SEMA5A: variants seen among roughly 807,000 people sequenced by gnomAD.
SEMA5A encodes the protein semaphorin 5A, also known as semaphorin-5A.
Under a neutral mutation model 135.5 loss-of-function variants are expected in SEMA5A, and 55 were observed. That is an observed-to-expected ratio of 0.41 (90% CI 0.33 to 0.51). The LOEUF (loss-of-function observed/expected upper bound fraction) is 0.51. SEMA5A is among the 20% of genes least tolerant of loss of function. SEMA5A has a pLI of 0.37. For missense variants in SEMA5A, 1,290 were observed against 1,419.9 expected (o/e 0.91, Z 1.47); for synonymous variants, 580 against 546.5 (o/e 1.06, Z -0.85).
At chr5:9,048,401 A>G (rs1230646155) in intron 21 of SEMA5A, among the ~76,000 whole-genome samples, 1 of 152,184 alleles carries the variant, frequency 6.6e-6, no homozygotes, top group African/African-American at 2.4e-5. Context: ...ATAATTCCCA[A>G]GTGCAAAATC....
chr5:9,522,470 C>T (rs1008425468), intron 1 of SEMA5A, among the ~76,000 whole-genome samples: 1 of 152,128 alleles, frequency 6.6e-6, no homozygotes, highest in African/African-American at 2.4e-5. Context: ...CTAATCTCAG[C>T]TACTCAGGAG....
intron 10 of SEMA5A, 116 bp from the exon 11 acceptor site, chr5:9,190,587 G>A: frequency 5.9e-6 from 5 of 845,850 alleles, no homozygotes; most frequent in Non-Finnish European, 9.5e-6. Flanking sequence ...ATCCATCATT[G>A]AAGTATGCAA....
chr5:9,068,916 G>A (rs1737623353), intron 16 of SEMA5A, among the ~76,000 whole-genome samples: 1 of 152,188 alleles, frequency 6.6e-6, no homozygotes, highest in Non-Finnish European at 1.5e-5. Context: ...TGCACATGGG[G>A]TAGAAGTGCA....
intron 11 of SEMA5A, among the ~76,000 whole-genome samples, chr5:9,174,986 C>A (rs747053491): frequency 9.2e-5 from 14 of 152,198 alleles, no homozygotes; most frequent in African/African-American, 2.2e-4. Context: ...CACATCACAG[C>A]AGAATCAAAT....
At chr5:9,144,178 A>G (rs1742207699) in intron 12 of SEMA5A, among the ~76,000 whole-genome samples, 1 of 151,994 alleles carries the variant, frequency 6.6e-6, no homozygotes, top group Non-Finnish European at 1.5e-5. Context: ...TCCAAAGTTC[A>G]CCCTCCCCCA....
At chr5:9,150,271 C>A (rs1742561795) in intron 12 of SEMA5A, among the ~76,000 whole-genome samples, 1 of 152,168 alleles carries the variant, frequency 6.6e-6, no homozygotes, top group African/African-American at 2.4e-5. Context: ...TCCCAGATCC[C>A]CAAATTCCTC....
At chr5:9,120,228 C>T (rs909146368) in intron 14 of SEMA5A, among the ~76,000 whole-genome samples, 2 of 152,080 alleles carry the variant, frequency 1.3e-5, no homozygotes, top group African/African-American at 4.8e-5. Flanking sequence ...ATAAGATTTA[C>T]ATTTCCTATG....
At chr5:9,193,449 G>T (rs1192123767) in intron 10 of SEMA5A, among the ~76,000 whole-genome samples, 1 of 152,098 alleles carries the variant, frequency 6.6e-6, no homozygotes, top group Non-Finnish European at 1.5e-5. Flanking sequence ...ATAAATATTT[G>T]CACTTTTGTT....
Position 9,152,929 on chromosome 5 carries a change from G to A in SEMA5A, c.1481+1559C>T, listed in dbSNP as rs563467350. 7.2e-5 allele frequency among the ~76,000 whole-genome samples: 11 copies of A among 152,174 alleles called. No homozygotes were observed. The South Asian group carries it at 2.3e-3, about 32-fold the overall frequency. On this transcript the variant is annotated intron_variant, in intron 12 of 22. Transcript: ENST00000382496. ...TCTACTAAAAATACAAAAATTAGCT[G>A]GGCATGCTGGCACATGTAATTTCAG...
intron 4 of SEMA5A, among the ~76,000 whole-genome samples, chr5:9,322,974 A>G (rs1752695217): frequency 6.6e-6 from 1 of 152,198 alleles, no homozygotes; most frequent in Non-Finnish European, 1.5e-5. Context: ...TTTTGATCCT[A>G]GGCCATCAAT....
At chr5:9,502,840 AGAAG>A (rs1255734401) in intron 1 of SEMA5A, among the ~76,000 whole-genome samples, 3 of 152,200 alleles carry the variant, frequency 2.0e-5, no homozygotes, top group African/African-American at 7.2e-5. Context: ...AGAGTGACGG[AGAAG>A]GAAGAAGGAA....
At chr5:9,517,473 T>C (rs1294787893) in intron 1 of SEMA5A, 1 of 152,184 alleles carries the variant, frequency 6.6e-6, no homozygotes. Flanking sequence ...AGCTTCTGCA[T>C]CTCCACAGAA....
rs375542501 is a variant in SEMA5A at position 9,289,915 on chromosome 5, T to C, written c.270+28457A>G. Among the ~76,000 whole-genome samples the C allele has an allele frequency of 1.4e-4, 22 of 152,310 alleles. No individual in the cohort carries two copies. The East Asian group carries it at 1.7e-3, about 12-fold the overall frequency. On this transcript the variant is annotated intron_variant, in intron 5 of 22. Coordinates refer to ENST00000382496, the MANE Select transcript of SEMA5A (RefSeq NM_003966.3). ...GGGTTAAAAGTACACATAAGACATTTCAAAAGTGAATTTTCTAAATTTATA... is the reference window on the plus strand; with the variant it reads ...GGGTTAAAAGTACACATAAGACATTCCAAAAGTGAATTTTCTAAATTTATA...
intron 12 of SEMA5A, among the ~76,000 whole-genome samples, chr5:9,149,277 C>A (rs181263089): frequency 3.9e-5 from 6 of 152,216 alleles, no homozygotes; most frequent in Admixed American, 2.0e-4. Flanking sequence ...AAGTGTTTCT[C>A]TCTGGCCCTT....
At chr5:9,342,318 G>A (rs904435920) in intron 3 of SEMA5A, among the ~76,000 whole-genome samples, 14 of 152,120 alleles carry the variant, frequency 9.2e-5, no homozygotes, top group African/African-American at 3.4e-4. Context: ...CACCTGCAGC[G>A]CCAACTGTCC....
chr5:9,329,342 G>A (rs1219483893), intron 4 of SEMA5A, among the ~76,000 whole-genome samples: 2 of 152,208 alleles, frequency 1.3e-5, no homozygotes, highest in Non-Finnish European at 2.9e-5. Context: ...TAGCTCAAAA[G>A]CAGCCACAGA....
intron 21 of SEMA5A, among the ~76,000 whole-genome samples, chr5:9,045,392 C>A (rs1198849805): frequency 6.6e-6 from 1 of 152,150 alleles, no homozygotes; most frequent in East Asian, 1.9e-4. Flanking sequence ...TCCATTTCAT[C>A]CTATTTAAAA....
intron 5 of SEMA5A, among the ~76,000 whole-genome samples, chr5:9,248,180 A>G (rs1169469851): frequency 2.6e-5 from 4 of 152,192 alleles, no homozygotes; most frequent in African/African-American, 9.7e-5. Context: ...AAGCATTTCA[A>G]GTGTGAGAAT....
At chr5:9,120,722 T>C (rs965515688) in intron 14 of SEMA5A, among the ~76,000 whole-genome samples, 2 of 152,142 alleles carry the variant, frequency 1.3e-5, no homozygotes, top group African/African-American at 4.8e-5. Context: ...ATGAAGCAAA[T>C]GGTGCTTTCA....
Sources: allele counts gnomAD v4.1 joint callset (sites outside exome capture counted in the v4.1 genomes callset), GRCh38; gene constraint gnomAD v4.1.1; transcripts MANE v1.5; gene names NCBI Gene and HGNC (gene_info 2026-07-23, HGNC 2026-07-21).